Variants in JPH3 observed in about 807,000 individuals in gnomAD.
JPH3 encodes junctophilin 3.
In JPH3, 11 loss-of-function variants were observed where a neutral mutation model predicts 59.6. The ratio of observed to expected loss-of-function variants is 0.18; its 90% CI spans 0.12 to 0.31. The LOEUF is 0.31. Among genes scored for constraint, JPH3 ranks in the 10% least tolerant of loss-of-function variants. The probability of loss-of-function intolerance (pLI) is 1.00; values close to 1 mark genes in which losing one functional copy is unlikely to be tolerated. For synonymous variants in JPH3, 673 were observed against 483.6 expected, an observed-to-expected ratio of 1.39 and a Z score of -5.14; for missense variants, 1,202 against 1,105.7, an observed-to-expected ratio of 1.09 and a Z score of -1.24.
chr16:87,696,049 G>A (rs1196666761), intron 4 of JPH3: 2 of 456,288 alleles, frequency 4.4e-6, no homozygotes, highest in Non-Finnish European at 8.8e-6. Flanking sequence ...GGTTTGTTGA[G>A]GAAGGTGTGG....
Position 87,603,278 on chromosome 16 carries a change from C to A in JPH3, c.132C>A (p.Ser44Arg). Residue 44 changes from serine (S) to arginine (R), a missense_variant, in exon 1 of 5, where the codon AGC (serine) becomes AGA (arginine). By Grantham distance (110) the Ser-to-Arg change is moderately radical (BLOSUM62 -1). Coordinates refer to ENST00000284262, the MANE Select transcript of JPH3 (RefSeq NM_020655.4). ...AAGGCGAATACACCGGCTCGTGGAG[C>A]CACGGCTTCGAGGTGCTGGGCGTCT... ...KGQGEYTGSWSHGFEVLGVYT... is the reference protein window; with the variant it reads ...KGQGEYTGSWRHGFEVLGVYT... The A allele has an allele frequency of 1.2e-6, 2 of 1,613,544 alleles. No individual in the cohort carries two copies. Among genetic ancestry groups the A allele is most frequent in the Non-Finnish European group, 1.7e-6 (2 of 1,179,918 alleles).
At chr16:87,619,401 G>C (rs545882897) in intron 1 of JPH3, among the ~76,000 whole-genome samples, 3 of 152,034 alleles carry the variant, frequency 2.0e-5, no homozygotes, top group African/African-American at 7.2e-5. Flanking sequence ...GTGAGCCACC[G>C]GCTCCCCTGC....
intron 2 of JPH3, among the ~76,000 whole-genome samples, chr16:87,658,096 C>T (rs759009060): frequency 3.9e-5 from 6 of 152,204 alleles, no homozygotes; most frequent in South Asian, 2.1e-4. Flanking sequence ...ATGCGGCCCA[C>T]GCTTCAGTGT....
intron 1 of JPH3, 127 bp from the exon 2 acceptor site, chr16:87,644,131 C>G: frequency 9.8e-7 from 1 of 1,017,290 alleles, no homozygotes; most frequent in Non-Finnish European, 1.4e-6. Flanking sequence ...CAGCGAGAAC[C>G]TGTCTCAAAA....
At chr16:87,652,346 T>C (rs934023991) in intron 2 of JPH3, among the ~76,000 whole-genome samples, 4 of 152,246 alleles carry the variant, frequency 2.6e-5, no homozygotes, top group African/African-American at 4.8e-5. Flanking sequence ...AGATCCTCCA[T>C]TGAAGGCTCA....
Position 87,645,044 on chromosome 16 carries a change from G to A in JPH3, c.1160+9G>A, listed in dbSNP as rs762405436. ...GAGATCGCGGCTTCCAGGTAGGAGG[G>A]CGAGGGGGCGGGGGGCCCTTCTTGG... On this transcript the variant is annotated intron_variant, in intron 2 of 4. Coordinates refer to ENST00000284262, the MANE Select transcript of JPH3 (RefSeq NM_020655.4). 34 of 1,594,996 alleles carry A rather than the reference G, an allele frequency of 2.1e-5. 1 individual carries two copies. In the South Asian group the frequency reaches 3.4e-4, roughly 16 times the overall value.
At chr16:87,687,038 G>T (rs188073701) in intron 3 of JPH3, among the ~76,000 whole-genome samples, 1 of 152,254 alleles carries the variant, frequency 6.6e-6, no homozygotes, top group Non-Finnish European at 1.5e-5. Context: ...TGGAGGGGGC[G>T]TTGGGACCGT....
At chr16:87,619,606 C>T (rs1380835942) in intron 1 of JPH3, among the ~76,000 whole-genome samples, 3 of 152,212 alleles carry the variant, frequency 2.0e-5, no homozygotes, top group Admixed American at 1.3e-4. Flanking sequence ...GTCCGGCTGT[C>T]ACTATCTGGC....
rs567812706 is a variant in JPH3 at position 87,623,576 on chromosome 16, C to T, written c.382+20048C>T. On this transcript the variant is annotated intron_variant, in intron 1 of 4. Transcript: ENST00000284262. ...TGAAAATAAGGATGCAATTTCATTC[C>T]CCAACAAAACAACCTCTATTTCCTT... 9.9e-5 allele frequency among the ~76,000 whole-genome samples: 15 copies of T among 152,274 alleles called. No homozygotes were observed. The South Asian group carries it at 3.1e-3, about 32-fold the overall frequency.
chr16:87,684,384 C>G, intron 3 of JPH3, 118 bp downstream of exon 3: 2 of 1,444,524 alleles, frequency 1.4e-6, no homozygotes, highest in Non-Finnish European at 1.9e-6. Flanking sequence ...TCAGCCCCAG[C>G]TGCTCCCCTG....
At chr16:87,678,776 A>G (rs2033213481) in intron 2 of JPH3, among the ~76,000 whole-genome samples, 1 of 152,160 alleles carries the variant, frequency 6.6e-6, no homozygotes, top group African/African-American at 2.4e-5. Context: ...GCAGAAGAGG[A>G]GAGAGACACG....
At chr16:87,667,759 C>T (rs1258072712) in intron 2 of JPH3, among the ~76,000 whole-genome samples, 1 of 152,230 alleles carries the variant, frequency 6.6e-6, no homozygotes, top group Non-Finnish European at 1.5e-5. Context: ...GTATTTTAGG[C>T]TTTGCTGGCC....
At chr16:87,615,816 G>A (rs964164131) in intron 1 of JPH3, among the ~76,000 whole-genome samples, 1 of 152,208 alleles carries the variant, frequency 6.6e-6, no homozygotes, top group African/African-American at 2.4e-5. Context: ...TTGCTAGGGG[G>A]AGGCGAGTGG....
Position 87,661,971 on chromosome 16 carries a change from G to A in JPH3, c.1160+16936G>A, listed in dbSNP as rs1251631538. Among the ~76,000 whole-genome samples the A allele has an allele frequency of 2.0e-5, 3 of 152,272 alleles. No homozygotes were observed. The East Asian group carries it at 5.8e-4, about 29-fold the overall frequency. ...AGTGGCAGTTGATTTTACGCTCACAGATTCGTCCTGTTATTTAGTATGTTA... is the reference window on the plus strand; with the variant it reads ...AGTGGCAGTTGATTTTACGCTCACAAATTCGTCCTGTTATTTAGTATGTTA... On this transcript the variant is annotated intron_variant, in intron 2 of 4. Transcript: ENST00000284262.
intron 1 of JPH3, among the ~76,000 whole-genome samples, chr16:87,623,051 C>G (rs2031247066): frequency 6.6e-6 from 1 of 152,122 alleles, no homozygotes; most frequent in South Asian, 2.1e-4. Context: ...TGTCCAGGCC[C>G]CTCCCAGGCC....
chr16:87,670,069 G>A (rs567009854), intron 2 of JPH3, among the ~76,000 whole-genome samples: 75 of 152,246 alleles, frequency 4.9e-4, no homozygotes, highest in African/African-American at 1.7e-3. Context: ...GGGATTCCAC[G>A]GTGCCCTTGA....
chr16:87,689,574 C>T (rs1864091478), intron 3 of JPH3, 72 bp from the exon 4 acceptor site: 4 of 1,517,630 alleles, frequency 2.6e-6, no homozygotes, highest in Non-Finnish European at 3.6e-6. Context: ...GGCGCCCTGG[C>T]CCGGGGACCG....
chr16:87,649,273 G>A (rs759047973), intron 2 of JPH3, among the ~76,000 whole-genome samples: 2 of 152,196 alleles, frequency 1.3e-5, no homozygotes, highest in African/African-American at 4.8e-5. Flanking sequence ...CCATCCTGCC[G>A]TGTCGCCTAG....
At chr16:87,634,906 A>G (rs2031684181) in intron 1 of JPH3, among the ~76,000 whole-genome samples, 1 of 152,160 alleles carries the variant, frequency 6.6e-6, no homozygotes, top group African/African-American at 2.4e-5. Flanking sequence ...CACTGGGGTT[A>G]TTTTACCTGT....
Sources: gnomAD v4.1 joint callset for allele counts (sites outside exome capture counted in the v4.1 genomes callset) on GRCh38, gnomAD v4.1.1 for gene constraint, MANE v1.5 for transcripts, NCBI Gene and HGNC (gene_info 2026-07-23, HGNC 2026-07-21) for gene names.